SLC35F3: variants seen among roughly 807,000 people sequenced by gnomAD.
SLC35F3 encodes solute carrier family 35 member F3, also known as putative thiamine transporter SLC35F3.
Under a neutral mutation model 49.9 loss-of-function variants are expected in SLC35F3, and 25 were observed. The ratio of observed to expected loss-of-function variants is 0.50; its 90% CI spans 0.37 to 0.70. The LOEUF is 0.70. Among genes scored for constraint, SLC35F3 ranks in the 30% least tolerant of loss-of-function variants. SLC35F3 has a pLI of 0.00. For missense variants in SLC35F3, 525 were observed against 639.8 expected (o/e 0.82, Z 1.94); for synonymous variants, 275 against 265.4 (o/e 1.04, Z -0.35).
chr1:234,072,593 G>T (rs939189809), intron 2 of SLC35F3, among the ~76,000 whole-genome samples: 2 of 152,192 alleles, frequency 1.3e-5, no homozygotes, highest in African/African-American at 4.8e-5. Flanking sequence ...GACCGGGGAA[G>T]TATCTCTGAT....
At position 233,925,461 on chromosome 1, in the gene SLC35F3, C is replaced by CT. The variant is rs1033014148; in HGVS notation, c.283+19712dup. Among the ~76,000 whole-genome samples, 1,066 of 151,304 alleles carry CT rather than the reference C, an allele frequency of 7.0e-3. 9 individuals are homozygous for CT. The highest frequency in any genetic ancestry group is 0.017 in the Middle Eastern group (5 of 292). On this transcript the variant is annotated intron_variant, in intron 2 of 7. Transcript: ENST00000366618. ...TCAGAGACTAGGATTGCAACCCCTG[C>CT]TTTTTTTTTGTTTTCCGTTTGCTTG...
intron 2 of SLC35F3, among the ~76,000 whole-genome samples, chr1:234,014,783 T>G (rs1008683617): frequency 3.3e-5 from 5 of 152,002 alleles, no homozygotes; most frequent in African/African-American, 9.7e-5. Context: ...AGGTGAAAGA[T>G]CTGTACGTTG....
At chr1:234,162,742 G>A (rs1666247665) in intron 2 of SLC35F3, among the ~76,000 whole-genome samples, 1 of 152,214 alleles carries the variant, frequency 6.6e-6, no homozygotes, top group South Asian at 2.1e-4. Context: ...AAGTCAAAGG[G>A]ATGATTAAGA....
chr1:234,075,345 A>G (rs957543666), intron 2 of SLC35F3, among the ~76,000 whole-genome samples: 2 of 152,234 alleles, frequency 1.3e-5, no homozygotes, highest in Non-Finnish European at 2.9e-5. Context: ...CATTATGGGG[A>G]GAGCCAACGG....
chr1:234,228,094 T>C (rs943037815), intron 2 of SLC35F3, among the ~76,000 whole-genome samples: 6 of 152,208 alleles, frequency 3.9e-5, no homozygotes, highest in African/African-American at 1.4e-4. Flanking sequence ...CTGAGTTTGC[T>C]CCAGTCCCTT....
At chr1:234,240,913 GATGTGGAACTT>G (rs763082074) in intron 3 of SLC35F3, among the ~76,000 whole-genome samples, 3 of 152,202 alleles carry the variant, frequency 2.0e-5, no homozygotes, top group African/African-American at 4.8e-5. Flanking sequence ...GCAGAGAACT[GATGTGGAACTT>G]ATCATTGTCA....
At chr1:234,187,983 A>G (rs1262177145) in intron 2 of SLC35F3, among the ~76,000 whole-genome samples, 1 of 152,192 alleles carries the variant, frequency 6.6e-6, no homozygotes. Context: ...AACGCCTGTA[A>G]TCCCAGCACT....
At chr1:233,946,842 A>T (rs1662520518) in intron 2 of SLC35F3, among the ~76,000 whole-genome samples, 1 of 152,204 alleles carries the variant, frequency 6.6e-6, no homozygotes, top group African/African-American at 2.4e-5. Context: ...TGTTCTAGTC[A>T]TTTCTGCCAC....
intron 3 of SLC35F3, among the ~76,000 whole-genome samples, chr1:234,279,872 C>T (rs1481369100): frequency 6.6e-6 from 1 of 152,218 alleles, no homozygotes; most frequent in Non-Finnish European, 1.5e-5. Flanking sequence ...TTTTCTCCAT[C>T]CCATCAAATT....
In SLC35F3 at chr1:233,904,754, C is replaced by G. The variant is rs569641929; in HGVS notation, c.-324C>G. ...GCTCTCCCGGTCGCGGCGAGACTCACGCCTGCGGTGTGCTAGGGCGGCGGC... is the reference window on the plus strand; with the variant it reads ...GCTCTCCCGGTCGCGGCGAGACTCAGGCCTGCGGTGTGCTAGGGCGGCGGC... On this transcript the variant is annotated 5_prime_UTR_variant, in exon 1 of 8. Coordinates refer to ENST00000366618, the MANE Select transcript of SLC35F3 (RefSeq NM_173508.4). 6.6e-6 allele frequency among the ~76,000 whole-genome samples: 1 copy of G among 151,720 alleles called. No homozygotes were observed. The highest frequency in any genetic ancestry group is 1.5e-5 in the Non-Finnish European group (1 of 67,890).
At chr1:234,281,916 G>A (rs79190756) in intron 3 of SLC35F3, among the ~76,000 whole-genome samples, 1,544 of 152,302 alleles carry the variant, frequency 0.01, 19 homozygotes, top group Non-Finnish European at 0.015. Flanking sequence ...CACTGTCAGA[G>A]CTGCAGCCTT....
At chr1:233,906,204 C>T (rs1042370479) in intron 2 of SLC35F3, among the ~76,000 whole-genome samples, 1 of 152,166 alleles carries the variant, frequency 6.6e-6, no homozygotes, top group Non-Finnish European at 1.5e-5. Context: ...CATCTCCTAG[C>T]CCTGATGATA....
Position 234,027,389 on chromosome 1 carries a change from C to T in SLC35F3, c.283+121631C>T, listed in dbSNP as rs1248134514. Among the ~76,000 whole-genome samples, 1 of 152,234 alleles carries T rather than the reference C, an allele frequency of 6.6e-6. No individual in the cohort carries two copies. The highest frequency in any genetic ancestry group is 1.5e-5 in the Non-Finnish European group (1 of 68,044). On this transcript the variant is annotated intron_variant, in intron 2 of 7. Coordinates refer to ENST00000366618, the MANE Select transcript of SLC35F3 (RefSeq NM_173508.4). The surrounding 1 kb of genome is among the most constrained non-coding windows in gnomAD (Gnocchi z 4.1). ...ACCATCCACAGACTGGAAACTGAAG[C>T]CTGGCAGTGGCCACCACCCGCAGCT...
chr1:234,243,198 CA>C (rs1371966454), intron 3 of SLC35F3, among the ~76,000 whole-genome samples: 1 of 151,954 alleles, frequency 6.6e-6, no homozygotes, highest in Admixed American at 6.6e-5. Context: ...ACTAACAATA[CA>C]AAAAAATTAG....
intron 2 of SLC35F3, among the ~76,000 whole-genome samples, chr1:233,930,004 C>G (rs1253584790): frequency 6.6e-6 from 1 of 151,992 alleles, no homozygotes; most frequent in Non-Finnish European, 1.5e-5. Context: ...ATTTTAAGAG[C>G]TAGGTGCAGT....
Position 233,980,600 on chromosome 1 carries a change from C to T in SLC35F3, c.283+74842C>T, listed in dbSNP as rs183149731. Among the ~76,000 whole-genome samples the T allele has an allele frequency of 2.2e-3, 332 of 152,294 alleles. 1 individual carries two copies. The highest frequency in any genetic ancestry group is 7.7e-3 in the African/African-American group (318 of 41,552). On this transcript the variant is annotated intron_variant, in intron 2 of 7. Coordinates refer to ENST00000366618, the MANE Select transcript of SLC35F3 (RefSeq NM_173508.4). ...AGAAGGCAAGGTGCGTGACTAAAGA[C>T]TGAGGGCACATCTCGGTCTTTAGTG...
At chr1:233,948,730 A>G (rs1449729578) in intron 2 of SLC35F3, among the ~76,000 whole-genome samples, 2 of 115,796 alleles carry the variant, frequency 1.7e-5, no homozygotes, top group East Asian at 2.9e-4. Flanking sequence ...ACCCCACAAC[A>G]GTCCCCAGAG....
intron 2 of SLC35F3, among the ~76,000 whole-genome samples, chr1:233,908,894 C>T (rs956550723): frequency 2.0e-5 from 3 of 151,812 alleles, no homozygotes; most frequent in South Asian, 2.1e-4. Flanking sequence ...TTTGCTCTGT[C>T]GCCCAGGCTA....
chr1:234,137,107 A>G (rs1031443507), intron 2 of SLC35F3, among the ~76,000 whole-genome samples: 1 of 152,250 alleles, frequency 6.6e-6, no homozygotes, highest in Non-Finnish European at 1.5e-5. Context: ...AACCAATCCA[A>G]ATAACACAGG....
Sources: gnomAD v4.1 joint callset for allele counts (sites outside exome capture counted in the v4.1 genomes callset) on GRCh38, gnomAD v4.1.1 for gene constraint, Gnocchi (gnomAD v3.1) non-coding constraint, MANE v1.5 for transcripts, NCBI Gene and HGNC (gene_info 2026-07-23, HGNC 2026-07-21) for gene names.